Variants in OSBPL10 observed in about 807,000 individuals in gnomAD.
OSBPL10 encodes the protein oxysterol binding protein like 10.
OSBPL10 carries 49 observed loss-of-function variants against 81.7 expected under a neutral mutation model. The ratio of observed to expected loss-of-function variants is 0.60; its 90% confidence interval spans 0.48 to 0.76. The LOEUF is 0.76. Among genes scored for constraint, OSBPL10 ranks in the 30% least tolerant of loss-of-function variants. The pLI, the probability that OSBPL10 is intolerant of heterozygous loss-of-function variation, is 0.00. For missense variants in OSBPL10, 923 were observed against 987.8 expected (o/e 0.93, Z 0.88); for synonymous variants, 419 against 383.6 (o/e 1.09, Z -1.08).
chr3:31,837,210 C>G (rs1424853222), intron 3 of OSBPL10, among the ~76,000 whole-genome samples: 1 of 151,610 alleles, frequency 6.6e-6, no homozygotes, highest in Non-Finnish European at 1.5e-5. Flanking sequence ...ACATTTTTAT[C>G]TTTCTTCTTA....
chr3:31,787,016 C>A (rs1359775655), intron 4 of OSBPL10, among the ~76,000 whole-genome samples: 2 of 152,130 alleles, frequency 1.3e-5, no homozygotes, highest in African/African-American at 4.8e-5. Flanking sequence ...TATCTGTTTG[C>A]CAGGTTGTTC....
intron 1 of OSBPL10, among the ~76,000 whole-genome samples, chr3:31,979,353 T>C (rs938821906): frequency 6.6e-6 from 1 of 152,184 alleles, no homozygotes; most frequent in Non-Finnish European, 1.5e-5. Context: ...GAAAGTCCTA[T>C]ATGTAGAATA....
At position 31,664,135 on chromosome 3, in the gene OSBPL10, C is replaced by T. The variant is rs1700131490; in HGVS notation, c.2194G>A (p.Glu732Lys). 1 of 1,613,828 alleles carries T rather than the reference C, an allele frequency of 6.2e-7. No individual in the cohort carries two copies. The highest frequency in any genetic ancestry group is 1.7e-5 in the Admixed American group (1 of 59,998). The change falls in exon 11 of 12, where the codon GAA becomes AAA. Residue 732 changes from glutamate to lysine, a missense_variant. Transcript: ENST00000396556. ...RHLEEKQRVEERKRENLRTPW... is the reference protein window; with the variant it reads ...RHLEEKQRVEKRKRENLRTPW... Reference sequence around the variant, plus strand: ...GTGCGGAGGTTCTCGCGCTTCCGTTCCTCCACCCGTTGCTTCTCCTCCAGG... The same window carrying T: ...GTGCGGAGGTTCTCGCGCTTCCGTTTCTCCACCCGTTGCTTCTCCTCCAGG...
intron 3 of OSBPL10, among the ~76,000 whole-genome samples, chr3:31,841,971 T>C (rs1404569984): frequency 1.3e-5 from 2 of 152,206 alleles, no homozygotes; most frequent in Non-Finnish European, 2.9e-5. Context: ...GAGTAAAAAC[T>C]ATCTCTAAAA....
Position 31,830,236 on chromosome 3 carries a change from A to G in OSBPL10, c.538-5T>C. On this transcript the variant is annotated splice_region_variant and splice_polypyrimidine_tract_variant and intron_variant, in intron 3 of 11. Coordinates refer to ENST00000396556, the MANE Select transcript of OSBPL10 (RefSeq NM_017784.5). ...GCTTCGGGAGCTTGGAGCACTCTAG[A>G]ATAAGCAACAGGTGTCAAAACTCAA... is the stretch of plus-strand genomic sequence containing the variant. The G allele has an allele frequency of 6.2e-7, 1 of 1,609,988 alleles. No individual in the cohort carries two copies. The highest frequency in any genetic ancestry group is 8.5e-7 in the Non-Finnish European group (1 of 1,178,156).
At chr3:31,739,135 A>G (rs539715658) in intron 5 of OSBPL10, among the ~76,000 whole-genome samples, 16 of 152,244 alleles carry the variant, frequency 1.1e-4, no homozygotes, top group African/African-American at 3.6e-4. Context: ...TGATCACTGC[A>G]TACCACAATC....
chr3:31,707,165 T>C (rs1696097507), intron 6 of OSBPL10: 1 of 152,234 alleles, frequency 6.6e-6, no homozygotes, highest in Non-Finnish European at 1.5e-5. Flanking sequence ...TACCTAACCA[T>C]TAAAGATGCA....
At chr3:32,075,628 A>G (rs893652971) in intron 1 of OSBPL10, among the ~76,000 whole-genome samples, 1 of 152,140 alleles carries the variant, frequency 6.6e-6, no homozygotes, top group African/African-American at 2.4e-5. Flanking sequence ...TTCCCACTGT[A>G]GGTTTCCACA....
chr3:32,012,348 C>T lies in OSBPL10; in HGVS notation n.298+34143G>A, dbSNP rs1699268580. Among the ~76,000 whole-genome samples the T allele has an allele frequency of 2.6e-5, 4 of 152,254 alleles. No homozygotes were observed. In the South Asian group the frequency reaches 6.2e-4, roughly 24 times the overall value. On this transcript the variant is annotated intron_variant and non_coding_transcript_variant, in intron 2 of 3. Transcript: ENST00000479173. Reference sequence around the variant, plus strand: ...TTTCATATCCAGCCAAACTAAGCTTCATAAGTGAAGGAGAAATAAAATACT... The same window carrying T: ...TTTCATATCCAGCCAAACTAAGCTTTATAAGTGAAGGAGAAATAAAATACT...
chr3:32,036,340 A>T lies in OSBPL10; in HGVS notation n.298+10151T>A, dbSNP rs114772756. Among the ~76,000 whole-genome samples, 849 of 152,180 alleles carry T rather than the reference A, an allele frequency of 5.6e-3. 7 individuals are homozygous for T. The highest frequency in any genetic ancestry group is 0.016 in the Admixed American group (245 of 15,270). On this transcript the variant is annotated intron_variant and non_coding_transcript_variant, in intron 2 of 3. Transcript: ENST00000479173. ...TGGGATTACAGACATGAGCCATTGC[A>T]CCCAGCCAAAAAAAATTTAAGAGAA... is the stretch of plus-strand genomic sequence containing the variant.
rs1043755930 is a variant in OSBPL10 at position 31,864,365 on chromosome 3, C to T, written c.537+12068G>A. 7.9e-5 allele frequency among the ~76,000 whole-genome samples: 12 copies of T among 152,122 alleles called. 1 individual carries two copies. The highest frequency in any genetic ancestry group is 4.6e-4 in the Admixed American group (7 of 15,282). On this transcript the variant is annotated intron_variant, in intron 3 of 11. Transcript: ENST00000396556. ...CAAGCAATTCTCCTGCCTCAGCCTC[C>T]TGAGTAGCTGGTATGACAGACACAC...
intron 8 of OSBPL10, among the ~76,000 whole-genome samples, chr3:31,674,181 G>T (rs1020700824): frequency 6.6e-6 from 1 of 152,132 alleles, no homozygotes; most frequent in Non-Finnish European, 1.5e-5. Flanking sequence ...TCTCATTAAT[G>T]ACTTATGGCC....
At chr3:32,077,613 TC>T (rs1316452716), upstream of OSBPL10, 1 of 152,128 alleles carries the variant, frequency 6.6e-6, no homozygotes, top group Admixed American at 6.5e-5. Flanking sequence ...GTGGACAACT[TC>T]CTAAACACAC....
chr3:31,965,851 A>ATATATCATATATATTATATAAAT, intron 1 of OSBPL10, among the ~76,000 whole-genome samples: 1 of 61,728 alleles, frequency 1.6e-5, no homozygotes, highest in Admixed American at 3.2e-4. Flanking sequence ...ATTATATAAA[A>ATATATCATATATATTATATAAAT]AGATAATATA....
intron 4 of OSBPL10, among the ~76,000 whole-genome samples, chr3:31,775,907 T>A (rs908768980): frequency 6.6e-6 from 1 of 151,942 alleles, no homozygotes. Context: ...AGAGAACAGG[T>A]TGAGGATGTA....
intron 1 of OSBPL10, among the ~76,000 whole-genome samples, chr3:32,047,567 C>T (rs188628913): frequency 2.6e-5 from 4 of 152,100 alleles, no homozygotes; most frequent in Middle Eastern, 3.4e-3. Context: ...TTATAATTAG[C>T]GTATAATGAG....
chr3:31,869,122 C>G (rs1208704270), intron 3 of OSBPL10, among the ~76,000 whole-genome samples: 1 of 152,226 alleles, frequency 6.6e-6, no homozygotes, highest in Non-Finnish European at 1.5e-5. Context: ...GAGTGCTTCA[C>G]TTCAGCAAAT....
intron 1 of OSBPL10, among the ~76,000 whole-genome samples, chr3:31,979,989 T>TTATTC (rs1183172014): frequency 7.1e-6 from 1 of 140,090 alleles, no homozygotes; most frequent in African/African-American, 3.0e-5. Flanking sequence ...TTTTATTATT[T>TTATTC]TATTTTATTT....
chr3:31,686,601 T>C (rs1234755260), intron 7 of OSBPL10, among the ~76,000 whole-genome samples: 2 of 152,182 alleles, frequency 1.3e-5, no homozygotes, highest in African/African-American at 4.8e-5. Flanking sequence ...GTTTTTATAA[T>C]ACACACAAGG....
Sources: allele counts gnomAD v4.1 joint callset (sites outside exome capture counted in the v4.1 genomes callset), GRCh38; gene constraint gnomAD v4.1.1; transcripts MANE v1.5; gene names NCBI Gene and HGNC (gene_info 2026-07-23, HGNC 2026-07-21).